Variants in PTPRG observed in about 807,000 individuals in gnomAD.
PTPRG encodes the protein receptor-type tyrosine-protein phosphatase gamma.
Under a neutral mutation model 165.3 loss-of-function variants are expected in PTPRG, and 102 were observed. The observed-to-expected ratio is 0.62, with a 90% CI of 0.53 to 0.73. PTPRG has a LOEUF of 0.73. Ranked by LOEUF, PTPRG falls within the 30% of genes least tolerant of loss-of-function variation. PTPRG has a pLI of 0.00. For missense variants in PTPRG, 1,866 were observed against 1,861.4 expected (o/e 1.00, Z -0.05); for synonymous variants, 675 against 669.5 (o/e 1.01, Z -0.13).
chr3:61,975,621 G>A lies in PTPRG; in HGVS notation c.191-14004G>A, dbSNP rs989967802. Among the ~76,000 whole-genome samples, 6 of 151,636 alleles carry A rather than the reference G, an allele frequency of 4.0e-5. No homozygotes were observed. In the East Asian group the frequency reaches 5.8e-4, roughly 15 times the overall value. On this transcript the variant is annotated intron_variant, in intron 2 of 29. Transcript: ENST00000474889. ...CATGGAAGTCCTAAAATGAAACTGTGTTTCACTTAGAAATAGAATTCTACC... is the reference window on the plus strand; with the variant it reads ...CATGGAAGTCCTAAAATGAAACTGTATTTCACTTAGAAATAGAATTCTACC...
chr3:61,920,649 C>T (rs1254628458), intron 2 of PTPRG, among the ~76,000 whole-genome samples: 1 of 152,182 alleles, frequency 6.6e-6, no homozygotes, highest in Non-Finnish European at 1.5e-5. Context: ...CTGCCTTGGC[C>T]TCCCAAAGTG....
rs1285208247 is a variant in PTPRG, at chr3:62,060,195, G to C, written c.520-17968G>C. Among the ~76,000 whole-genome samples, 4 of 136,046 alleles carry C rather than the reference G, an allele frequency of 2.9e-5. No individual in the cohort carries two copies. In the South Asian group the frequency reaches 1.0e-3, roughly 35 times the overall value. The allele number at this position is 136,046 out of a possible 152,430, so 89.3% of individuals were successfully genotyped here. On this transcript the variant is annotated intron_variant, in intron 4 of 29. Transcript: ENST00000474889. ...CCACCGCACTCTAGCCTGAGCAACA[G>C]AGTGAGACCCTGTCTCAAAAAAAAA...
chr3:62,173,453 A>G (rs2106751437), intron 8 of PTPRG, among the ~76,000 whole-genome samples: 1 of 152,270 alleles, frequency 6.6e-6, no homozygotes, highest in East Asian at 1.9e-4. Context: ...TGGCCTTGGG[A>G]CTGTAGTTTA....
chr3:62,145,078 G>A (rs191579781), intron 6 of PTPRG, among the ~76,000 whole-genome samples: 65 of 152,168 alleles, frequency 4.3e-4, no homozygotes, highest in African/African-American at 1.4e-3. Context: ...TGGGACTACC[G>A]TGTGTGATTT....
intron 1 of PTPRG, among the ~76,000 whole-genome samples, chr3:61,699,161 A>T (rs2030799629): frequency 6.6e-6 from 1 of 152,192 alleles, no homozygotes; most frequent in African/African-American, 2.4e-5. Context: ...CCTAAAACTT[A>T]AAGTGTAATA....
chr3:61,634,113 G>A (rs1241297348), intron 1 of PTPRG, among the ~76,000 whole-genome samples: 2 of 151,532 alleles, frequency 1.3e-5, no homozygotes, highest in East Asian at 3.9e-4. Context: ...ATGGGGTTTC[G>A]CCATATTGGC....
chr3:61,867,428 G>A (rs185159596), intron 2 of PTPRG, among the ~76,000 whole-genome samples: 2,067 of 152,188 alleles, frequency 0.014, 23 homozygotes, highest in South Asian at 0.022. Flanking sequence ...CCATTCCAAG[G>A]CGAGTCTTTT....
rs1387924804 is a variant in PTPRG at position 61,772,257 on chromosome 3, A to C, written c.190+23275A>C. Among the ~76,000 whole-genome samples the C allele has an allele frequency of 6.6e-5, 10 of 152,068 alleles. No homozygotes were observed. In the East Asian group the frequency reaches 1.7e-3, roughly 27 times the overall value. On this transcript the variant is annotated intron_variant, in intron 2 of 29. Transcript: ENST00000474889. ...TCTTGGAGACTACTTTGTCTACCAGAATCTGTGAAGCACTCGTTTAGTGTT... is the reference window on the plus strand; with the variant it reads ...TCTTGGAGACTACTTTGTCTACCAGCATCTGTGAAGCACTCGTTTAGTGTT...
Position 62,052,646 on chromosome 3 carries a change from G to T in PTPRG, c.520-25517G>T, listed in dbSNP as rs543400334. On this transcript the variant is annotated intron_variant, in intron 4 of 29. Transcript: ENST00000474889. ...GGAGTTCCAGGCTGCAGTGAGCTGT[G>T]ATTGTACCACTGCACTCCAGCCTGG... Among the ~76,000 whole-genome samples, 3 of 152,230 alleles carry T rather than the reference G, an allele frequency of 2.0e-5. No homozygotes were observed. In the South Asian group the frequency reaches 6.2e-4, roughly 32 times the overall value.
At chr3:62,143,547 G>T (rs2106650657) in intron 6 of PTPRG, among the ~76,000 whole-genome samples, 1 of 150,180 alleles carries the variant, frequency 6.7e-6, no homozygotes, top group South Asian at 2.1e-4. Flanking sequence ...TTAGTCTCAT[G>T]AAGAATCTTT....
intron 11 of PTPRG, among the ~76,000 whole-genome samples, chr3:62,202,144 TTAAAG>T (rs769345873): frequency 3.6e-4 from 55 of 152,098 alleles, no homozygotes; most frequent in Non-Finnish European, 5.1e-4. Flanking sequence ...GCTCAGTGAG[TTAAAG>T]TAATGTGTCC....
At chr3:62,146,584 G>T (rs1223183200) in intron 6 of PTPRG, among the ~76,000 whole-genome samples, 1 of 151,208 alleles carries the variant, frequency 6.6e-6, no homozygotes, top group East Asian at 1.9e-4. Context: ...CTCCATCACT[G>T]CATGGAGTTG....
intron 1 of PTPRG, among the ~76,000 whole-genome samples, chr3:61,748,529 T>C (rs1371221953): frequency 6.6e-6 from 1 of 152,202 alleles, no homozygotes; most frequent in Non-Finnish European, 1.5e-5. Context: ...CTTTCTGTTG[T>C]TGAAGCTTCA....
rs915472528 is a variant in PTPRG at position 61,720,808 on chromosome 3, G to A, written c.86-28070G>A. 2.1e-4 allele frequency among the ~76,000 whole-genome samples: 32 copies of A among 152,186 alleles called. 1 individual carries two copies. Among genetic ancestry groups the A allele is most frequent in the Admixed American group, 5.2e-4 (8 of 15,276 alleles). ...GACCTCCATTGATGGATTAATCCCC[G>A]CCAATGGAAAATGCAGTTAGAGGCT... On this transcript the variant is annotated intron_variant, in intron 1 of 29. Transcript: ENST00000474889.
At chr3:62,019,435 AT>A (rs375052751) in intron 4 of PTPRG, among the ~76,000 whole-genome samples, 99 of 147,948 alleles carry the variant, frequency 6.7e-4, no homozygotes, top group Admixed American at 1.4e-3. Flanking sequence ...AGAAGGGAGG[AT>A]TGCTTGAACT....
intron 2 of PTPRG, among the ~76,000 whole-genome samples, chr3:61,965,244 C>A (rs866882231): frequency 8.1e-4 from 109 of 134,770 alleles, no homozygotes; most frequent in South Asian, 9.7e-4. Flanking sequence ...AACTCTGTCT[C>A]AAAAAAAAAA....
chr3:62,191,308 C>T (rs1231036118), intron 8 of PTPRG, among the ~76,000 whole-genome samples, 161 bp from the exon 9 acceptor site: 1 of 151,956 alleles, frequency 6.6e-6, no homozygotes, highest in Non-Finnish European at 1.5e-5. Flanking sequence ...AATGTTCTCC[C>T]TCTCTCTCTA....
chr3:61,983,390 C>A (rs2040684187), intron 2 of PTPRG, among the ~76,000 whole-genome samples: 1 of 152,002 alleles, frequency 6.6e-6, no homozygotes, highest in South Asian at 2.1e-4. Flanking sequence ...CAACAAAATG[C>A]AGAGTAATAA....
intron 2 of PTPRG, among the ~76,000 whole-genome samples, chr3:61,814,364 T>G (rs2035692731): frequency 6.6e-6 from 1 of 152,206 alleles, no homozygotes; most frequent in South Asian, 2.1e-4. Context: ...AGTATTCCAC[T>G]TCTCGTATAC....
Sources: gnomAD v4.1 joint callset for allele counts (sites outside exome capture counted in the v4.1 genomes callset) on GRCh38, gnomAD v4.1.1 for gene constraint, MANE v1.5 for transcripts, NCBI Gene and HGNC (gene_info 2026-07-23, HGNC 2026-07-21) for gene names.